ATP8A2: variants seen among roughly 807,000 people sequenced by gnomAD.
The protein encoded by ATP8A2 is ATPase phospholipid transporting 8A2, also known as phospholipid-transporting ATPase IB.
ATP8A2 carries 100 observed loss-of-function variants against 165.6 expected under a neutral mutation model. The ratio of observed to expected loss-of-function variants is 0.60; its 90% CI spans 0.51 to 0.71. ATP8A2 has a LOEUF of 0.71. Ranked by LOEUF, ATP8A2 falls within the 30% of genes least tolerant of loss-of-function variation. The pLI is 0.00. For synonymous variants in ATP8A2, 543 were observed against 548.8 expected, an observed-to-expected ratio of 0.99 and a Z score of 0.15; for missense variants, 1,227 against 1,479.5, an observed-to-expected ratio of 0.83 and a Z score of 2.80.
intron 10 of ATP8A2, among the ~76,000 whole-genome samples, chr13:25,550,382 C>T (rs2038785089): frequency 6.6e-6 from 1 of 152,076 alleles, no homozygotes; most frequent in African/African-American, 2.4e-5. Flanking sequence ...AGGGGGTGGT[C>T]ATTAGTTTGC....
chr13:25,687,573 T>C (rs942605054), intron 24 of ATP8A2, among the ~76,000 whole-genome samples: 2 of 152,122 alleles, frequency 1.3e-5, no homozygotes, highest in African/African-American at 4.8e-5. Context: ...CAGCTCTCTC[T>C]CCATGGCGTT....
intron 24 of ATP8A2, among the ~76,000 whole-genome samples, chr13:25,662,653 C>T (rs1469671477): frequency 6.6e-6 from 1 of 152,014 alleles, no homozygotes; most frequent in Non-Finnish European, 1.5e-5. Flanking sequence ...AATCACTGGG[C>T]CTAAAATGAA....
intron 24 of ATP8A2, among the ~76,000 whole-genome samples, chr13:25,643,121 G>T (rs2137579652): frequency 6.6e-6 from 1 of 152,244 alleles, no homozygotes; most frequent in South Asian, 2.1e-4. Context: ...TAAATGACGA[G>T]TTAATGGGCG....
chr13:25,882,971 A>G (rs1325846563), intron 33 of ATP8A2, among the ~76,000 whole-genome samples: 2 of 151,886 alleles, frequency 1.3e-5, no homozygotes, highest in East Asian at 3.9e-4. Flanking sequence ...GGTGATGATG[A>G]TGGCAGCAGC....
chr13:25,520,208 C>T (rs1163707598), intron 2 of ATP8A2, among the ~76,000 whole-genome samples: 1 of 152,198 alleles, frequency 6.6e-6, no homozygotes, highest in Non-Finnish European at 1.5e-5. Flanking sequence ...AACCACCAGT[C>T]TGCCCTCTGT....
intron 33 of ATP8A2, among the ~76,000 whole-genome samples, chr13:25,940,526 C>A (rs924083589): frequency 1.3e-5 from 2 of 152,182 alleles, no homozygotes; most frequent in East Asian, 1.9e-4. Flanking sequence ...CATATTACCG[C>A]CCCCGGTTCC....
intron 2 of ATP8A2, among the ~76,000 whole-genome samples, chr13:25,507,373 C>A (rs895882514): frequency 4.6e-5 from 7 of 152,046 alleles, no homozygotes; most frequent in Non-Finnish European, 8.8e-5. Context: ...TCTAGCAATT[C>A]TCCTGCTCCA....
intron 33 of ATP8A2, among the ~76,000 whole-genome samples, chr13:25,934,077 G>T (rs1008711995): frequency 1.3e-5 from 2 of 152,156 alleles, no homozygotes; most frequent in Middle Eastern, 3.2e-3. Flanking sequence ...AAAAGAAAAG[G>T]TTTACCTGAT....
chr13:25,688,026 G>A (rs958060807), intron 24 of ATP8A2, among the ~76,000 whole-genome samples: 1 of 151,934 alleles, frequency 6.6e-6, no homozygotes, highest in Non-Finnish European at 1.5e-5. Context: ...TTCCTGACAC[G>A]AGACTGTGGC....
At chr13:25,615,672 A>G (rs2040805055) in intron 24 of ATP8A2, among the ~76,000 whole-genome samples, 2 of 152,152 alleles carry the variant, frequency 1.3e-5, no homozygotes, top group African/African-American at 2.4e-5. Context: ...GATTCCTGAG[A>G]CAAAACCAGA....
At chr13:25,574,098 G>T (rs530476178) in intron 18 of ATP8A2, among the ~76,000 whole-genome samples, 2 of 152,280 alleles carry the variant, frequency 1.3e-5, no homozygotes, top group Admixed American at 1.3e-4. Flanking sequence ...GAAATGAAAA[G>T]ATTAGATTAA....
At chr13:25,495,999 T>C (rs1239080025) in intron 2 of ATP8A2, among the ~76,000 whole-genome samples, 2 of 152,258 alleles carry the variant, frequency 1.3e-5, no homozygotes, top group African/African-American at 2.4e-5. Flanking sequence ...TCACCAGGGC[T>C]CATGCACATT....
At chr13:25,811,175 G>T (rs184109002) in intron 27 of ATP8A2, among the ~76,000 whole-genome samples, 1 of 152,226 alleles carries the variant, frequency 6.6e-6, no homozygotes, top group East Asian at 1.9e-4. Context: ...TATACTGAGT[G>T]GGATGTAATC....
At chr13:25,988,602 G>A (rs1199601256) in intron 35 of ATP8A2, among the ~76,000 whole-genome samples, 4 of 152,142 alleles carry the variant, frequency 2.6e-5, no homozygotes, top group Admixed American at 6.5e-5. Flanking sequence ...ACTTCCACCC[G>A]TTTGCTGTGG....
intron 24 of ATP8A2, among the ~76,000 whole-genome samples, chr13:25,660,829 C>T (rs577258971): frequency 6.6e-6 from 1 of 152,262 alleles, no homozygotes; most frequent in South Asian, 2.1e-4. Context: ...AATGCTGCTA[C>T]TGGGGATCCC....
intron 1 of ATP8A2, among the ~76,000 whole-genome samples, chr13:25,426,659 A>T (rs186379344): frequency 3.2e-4 from 49 of 152,102 alleles, no homozygotes; most frequent in Non-Finnish European, 5.9e-4. Flanking sequence ...ATAATGTATC[A>T]GGGCCGGGCA....
intron 1 of ATP8A2, among the ~76,000 whole-genome samples, chr13:25,385,360 G>A (rs902073568): frequency 6.6e-6 from 1 of 152,138 alleles, no homozygotes; most frequent in African/African-American, 2.4e-5. Flanking sequence ...TATCTTTGGG[G>A]AAGTTACCTA....
intron 24 of ATP8A2, among the ~76,000 whole-genome samples, chr13:25,621,379 T>C (rs1394948346): frequency 6.6e-6 from 1 of 152,204 alleles, no homozygotes; most frequent in Non-Finnish European, 1.5e-5. Context: ...ATTTAATCTT[T>C]TCATTTTTCT....
At chr13:25,813,742 T>G (rs1255847591) in intron 27 of ATP8A2, among the ~76,000 whole-genome samples, 2 of 152,150 alleles carry the variant, frequency 1.3e-5, no homozygotes, top group African/African-American at 4.8e-5. Context: ...CCCAGGTATT[T>G]GGTCAACATT....
Sources: gnomAD v4.1 joint callset for allele counts (sites outside exome capture counted in the v4.1 genomes callset) on GRCh38, gnomAD v4.1.1 for gene constraint, MANE v1.5 for transcripts, NCBI Gene and HGNC (gene_info 2026-07-23, HGNC 2026-07-21) for gene names.